Variants in SLAMF1 observed in about 807,000 individuals in gnomAD.
SLAMF1 encodes signaling lymphocytic activation molecule family member 1.
SLAMF1 carries 18 observed loss-of-function variants against 35.1 expected under a neutral mutation model. The ratio of observed to expected loss-of-function variants is 0.51; its 90% CI spans 0.35 to 0.76. SLAMF1 has a LOEUF of 0.76. Among genes scored for constraint, SLAMF1 ranks in the 30% least tolerant of loss-of-function variants. The pLI, the probability that SLAMF1 is intolerant of heterozygous loss-of-function variation, is 0.01. For synonymous variants in SLAMF1, 168 were observed against 157.2 expected (o/e 1.07, Z -0.51); for missense variants, 392 against 413.0 (o/e 0.95, Z 0.44).
Position 160,642,038 on chromosome 1 carries a change from A to T in SLAMF1, c.77-4509T>A, listed in dbSNP as rs1472808861. 6.6e-6 allele frequency among the ~76,000 whole-genome samples: 1 copy of T among 152,076 alleles called. No homozygotes were observed. Among genetic ancestry groups the T allele is most frequent in the Non-Finnish European group, 1.5e-5 (1 of 67,998 alleles). The stretch of plus-strand genomic sequence containing the variant: ...AACTCTTTTTGTTTTATTGTATTAT[A>T]TTTTTTTGCCTAGCCCTGACACTTT... On this transcript the variant is annotated intron_variant, in intron 1 of 6. Transcript: ENST00000302035. The surrounding 1 kb of genome is among the most constrained non-coding windows in gnomAD (Gnocchi z 4.2).
chr1:160,619,695 A>T lies in SLAMF1; in HGVS notation c.864+81T>A. On this transcript the variant is annotated intron_variant, in intron 5 of 6. Coordinates refer to ENST00000302035, the MANE Select transcript of SLAMF1 (RefSeq NM_003037.5). ...CTCTGCTCTGGATGGAAAACTGTGA[A>T]TGTCCAACAGGCAAGGTAGACTGGC... 7 of 911,392 alleles carry T rather than the reference A, an allele frequency of 7.7e-6. No homozygotes were observed. In the South Asian group the frequency reaches 9.2e-5, roughly 12 times the overall value. The allele number at this position is 911,392 out of a possible 1,614,324, so 56.5% of individuals were successfully genotyped here. A position where few individuals can be genotyped will look rare whatever the true frequency, so the allele number is the denominator to read the frequency against.
chr1:160,612,586 A>G lies in SLAMF1; in HGVS notation c.865-6T>C. On this transcript the variant is annotated splice_region_variant and splice_polypyrimidine_tract_variant and intron_variant, in intron 5 of 6. Transcript: ENST00000302035. ...TCAAGTTTCTTCTGAAGAGGCTACA[A>G]GAGAAGCAAAGAAAGCAGATTAGCT... 2 of 1,576,878 alleles carry G rather than the reference A, an allele frequency of 1.3e-6. No homozygotes were observed. The highest frequency in any genetic ancestry group is 2.2e-5 in the South Asian group (2 of 89,708).
chr1:160,638,694 C>T (rs929460305), intron 1 of SLAMF1, among the ~76,000 whole-genome samples: 33 of 152,152 alleles, frequency 2.2e-4, no homozygotes, highest in Admixed American at 1.7e-3. Flanking sequence ...CCCCACTGCT[C>T]GCTGGAACCA....
At chr1:160,622,750 G>A (rs761209853) in intron 4 of SLAMF1, among the ~76,000 whole-genome samples, 1 of 152,200 alleles carries the variant, frequency 6.6e-6, no homozygotes, top group Non-Finnish European at 1.5e-5. Context: ...AGCAAAATCT[G>A]CATCTGAATG....
intron 5 of SLAMF1, among the ~76,000 whole-genome samples, chr1:160,614,967 G>A (rs1210281621): frequency 1.3e-5 from 2 of 152,100 alleles, no homozygotes; most frequent in Non-Finnish European, 2.9e-5. Context: ...AATGGTGGCC[G>A]CTGGAATTAA....
At position 160,610,335 on chromosome 1, in the gene SLAMF1, A is replaced by G. The variant is rs1451150353; in HGVS notation, c.*413T>C. On this transcript the variant is annotated 3_prime_UTR_variant, in exon 7 of 7. Transcript: ENST00000302035. ...AACAAAGTAAAGATAGCCAAAATGT[A>G]AACTTTTCCAGACTTTGTGACTGGT... is the stretch of plus-strand genomic sequence containing the variant. 1 of 458,168 alleles carries G rather than the reference A, an allele frequency of 2.2e-6. No individual in the cohort carries two copies. Among genetic ancestry groups the G allele is most frequent in the Non-Finnish European group, 4.4e-6 (1 of 227,906 alleles). The allele number at this position is 458,168 out of a possible 1,614,324, so 28.4% of individuals were successfully genotyped here.
intron 1 of SLAMF1, among the ~76,000 whole-genome samples, chr1:160,646,227 C>T (rs954635606): frequency 6.6e-6 from 1 of 152,182 alleles, no homozygotes; most frequent in Non-Finnish European, 1.5e-5. Flanking sequence ...ATTTGCATTT[C>T]CCACATACTG....
chr1:160,617,086 G>T (rs1377935103), intron 5 of SLAMF1, among the ~76,000 whole-genome samples: 3 of 151,904 alleles, frequency 2.0e-5, no homozygotes, highest in Admixed American at 2.0e-4. Flanking sequence ...AACCCAGGAG[G>T]CGGAGGTTGC....
At chr1:160,611,486 C>T (rs1465193950) in intron 6 of SLAMF1, among the ~76,000 whole-genome samples, 1 of 152,086 alleles carries the variant, frequency 6.6e-6, no homozygotes, top group Non-Finnish European at 1.5e-5. Flanking sequence ...GGGCACCTGC[C>T]CAGGCATTTC....
rs114669145 is a variant in SLAMF1 at position 160,613,847 on chromosome 1, A to T, written c.865-1267T>A. 4.8e-3 allele frequency among the ~76,000 whole-genome samples: 726 copies of T among 152,374 alleles called. 4 individuals carry two copies. The highest frequency in any genetic ancestry group is 0.016 in the African/African-American group (686 of 41,586). On this transcript the variant is annotated intron_variant, in intron 5 of 6. Transcript: ENST00000302035. ...AAAATATTTTGATTCAATATAATGA[A>T]GATCTTTCTAATGGTAAAAGATGTT... is the stretch of plus-strand genomic sequence containing the variant.
intron 3 of SLAMF1, among the ~76,000 whole-genome samples, chr1:160,628,071 C>G (rs771675254): frequency 6.6e-6 from 1 of 152,202 alleles, no homozygotes; most frequent in Non-Finnish European, 1.5e-5. Flanking sequence ...TGAGGCCTCT[C>G]CAGCCATGTG....
At chr1:160,627,510 T>G (rs1323981739) in intron 3 of SLAMF1, among the ~76,000 whole-genome samples, 1 of 152,214 alleles carries the variant, frequency 6.6e-6, no homozygotes, top group Non-Finnish European at 1.5e-5. Context: ...CATCTGTTCT[T>G]TACTTATGGC....
In SLAMF1 at chr1:160,610,685, A is replaced by AGTTCAGT. The variant is rs1658932989; in HGVS notation, c.*56_*62dup. ...AGAGGAAACTTGGGGCCTGTGGCCA[A>AGTTCAGT]GTTCAGTGTTCATTTTGGTTTTTCC... On this transcript the variant is annotated 3_prime_UTR_variant, in exon 7 of 7. Coordinates refer to ENST00000302035, the MANE Select transcript of SLAMF1 (RefSeq NM_003037.5). 1 of 1,273,540 alleles carries AGTTCAGT rather than the reference A, an allele frequency of 7.9e-7. No individual in the cohort carries two copies. Among genetic ancestry groups the AGTTCAGT allele is most frequent in the African/African-American group, 1.5e-5 (1 of 68,264 alleles). 78.9% of individuals were successfully genotyped at this position (1,273,540 alleles called of 1,614,324 possible).
At chr1:160,636,951 T>C (rs183694472) in intron 2 of SLAMF1, 263 of 510,642 alleles carry the variant, frequency 5.2e-4, no homozygotes, top group African/African-American at 4.7e-3. Context: ...CCCCTTTCCT[T>C]TGGGAAATGG....
intron 3 of SLAMF1, among the ~76,000 whole-genome samples, chr1:160,631,388 T>C (rs751693183): frequency 1.1e-4 from 17 of 152,204 alleles, no homozygotes; most frequent in Non-Finnish European, 2.5e-4. Flanking sequence ...CAAATTCATA[T>C]GTTGATTTCC....
In SLAMF1 at chr1:160,646,976, C is replaced by A; in HGVS notation, c.-31G>T. 1 of 1,268,166 alleles carries A rather than the reference C, an allele frequency of 7.9e-7. No individual in the cohort carries two copies. The highest frequency in any genetic ancestry group is 2.3e-5 in the East Asian group (1 of 42,890). 78.6% of individuals were successfully genotyped at this position (1,268,166 alleles called of 1,614,324 possible). A position where few individuals can be genotyped will look rare whatever the true frequency, so the allele number is the denominator to read the frequency against. On this transcript the variant is annotated 5_prime_UTR_variant, in exon 1 of 7. Coordinates refer to ENST00000302035, the MANE Select transcript of SLAMF1 (RefSeq NM_003037.5). The stretch of plus-strand genomic sequence containing the variant: ...AATGAGGAGAAGGAAGGGATCCTGG[C>A]CGGAGCCTGGCAGCTGCTCACAGAT...
chr1:160,640,302 C>A (rs759620646), intron 1 of SLAMF1, among the ~76,000 whole-genome samples: 2 of 126,412 alleles, frequency 1.6e-5, no homozygotes, highest in Non-Finnish European at 3.2e-5. Flanking sequence ...ACCAAAGCCT[C>A]TTATTTAGGT....
At chr1:160,631,019 GTC>G (rs1178739213) in intron 3 of SLAMF1, among the ~76,000 whole-genome samples, 3 of 151,788 alleles carry the variant, frequency 2.0e-5, no homozygotes, top group African/African-American at 7.3e-5. Flanking sequence ...CCGTCACACT[GTC>G]TAATCTCGGA....
intron 3 of SLAMF1, among the ~76,000 whole-genome samples, chr1:160,630,306 A>G (rs1046369687): frequency 6.6e-6 from 1 of 152,222 alleles, no homozygotes; most frequent in Non-Finnish European, 1.5e-5. Flanking sequence ...TGAAATGGCA[A>G]TTGGAACAAG....
Sources: gnomAD v4.1 joint callset for allele counts (sites outside exome capture counted in the v4.1 genomes callset) on GRCh38, gnomAD v4.1.1 for gene constraint, Gnocchi (gnomAD v3.1) non-coding constraint, MANE v1.5 for transcripts, NCBI Gene and HGNC (gene_info 2026-07-23, HGNC 2026-07-21) for gene names.